Variants in NRXN3 observed in about 807,000 individuals in gnomAD.
NRXN3 encodes the protein neurexin 3.
NRXN3 carries 32 observed loss-of-function variants against 137.6 expected under a neutral mutation model. The observed-to-expected ratio is 0.23, with a 90% CI of 0.18 to 0.31. NRXN3 has a LOEUF of 0.31. Ranked by LOEUF, NRXN3 falls within the 10% of genes least tolerant of loss-of-function variation. The pLI is 1.00. For synonymous variants in NRXN3, 798 were observed against 784.5 expected (o/e 1.02, Z -0.29); for missense variants, 1,574 against 2,062.5 (o/e 0.76, Z 4.59).
At chr14:78,408,632 A>G (rs1249382005) in intron 4 of NRXN3, among the ~76,000 whole-genome samples, 1 of 152,202 alleles carries the variant, frequency 6.6e-6, no homozygotes, top group Non-Finnish European at 1.5e-5. Flanking sequence ...GTTGCAGCCT[A>G]GTGATGGAAT....
intron 15 of NRXN3, among the ~76,000 whole-genome samples, chr14:79,231,528 A>G (rs2072201023): frequency 1.3e-5 from 2 of 152,198 alleles, no homozygotes; most frequent in Non-Finnish European, 2.9e-5. Context: ...TTTGGTGCTC[A>G]TCTGTCAGAT....
At chr14:79,721,862 G>A (rs544878464) in intron 19 of NRXN3, among the ~76,000 whole-genome samples, 1 of 152,176 alleles carries the variant, frequency 6.6e-6, no homozygotes, top group Non-Finnish European at 1.5e-5. Flanking sequence ...GTCTCTAATA[G>A]TTTACCCAGT....
At position 79,809,346 on chromosome 14, in the gene NRXN3, C is replaced by T. The variant is rs571814205; in HGVS notation, c.4093+4156C>T. 2.0e-3 allele frequency among the ~76,000 whole-genome samples: 303 copies of T among 152,284 alleles called. 1 individual carries two copies. Among genetic ancestry groups the T allele is most frequent in the African/African-American group, 7.0e-3 (293 of 41,568 alleles). The stretch of plus-strand genomic sequence containing the variant: ...TAGAGACAGGGTTTCGCCATGTTGG[C>T]CAGGCTGGTCTCAAACTCCTGGGCT... On this transcript the variant is annotated intron_variant, in intron 20 of 20. Transcript: ENST00000335750.
At chr14:78,726,674 A>C (rs2098485297) in intron 8 of NRXN3, among the ~76,000 whole-genome samples, 1 of 151,702 alleles carries the variant, frequency 6.6e-6, no homozygotes, top group Admixed American at 6.6e-5. Context: ...ATGTACCATC[A>C]CACCCGGCTA....
chr14:79,590,278 G>A (rs1432225423), intron 16 of NRXN3, among the ~76,000 whole-genome samples: 2 of 151,986 alleles, frequency 1.3e-5, no homozygotes, highest in Non-Finnish European at 2.9e-5. Flanking sequence ...AAAAATGTGA[G>A]TTTCCCTGCA....
At chr14:78,865,312 C>T (rs2099083934) in intron 10 of NRXN3, among the ~76,000 whole-genome samples, 1 of 152,138 alleles carries the variant, frequency 6.6e-6, no homozygotes, top group African/African-American at 2.4e-5. Context: ...GGTTGAAATT[C>T]TGCAGGCAGA....
intron 10 of NRXN3, among the ~76,000 whole-genome samples, chr14:78,815,479 C>CTTTTTTTTTTTTTTTTTTTTTTTTTTTT (rs61411777): frequency 2.4e-5 from 2 of 84,436 alleles, no homozygotes; most frequent in Non-Finnish European, 4.3e-5. Context: ...TTGTTTCTTT[C>CTTTTTTTTTTTTTTTTTTTTTTTTTTTT]TTTTTTTTTT....
intron 2 of NRXN3, among the ~76,000 whole-genome samples, chr14:78,262,345 G>A (rs1360359041): frequency 6.6e-6 from 1 of 152,124 alleles, no homozygotes; most frequent in Admixed American, 6.6e-5. Context: ...AGCTCACCTT[G>A]GCTGGTAAGT....
intron 15 of NRXN3, among the ~76,000 whole-genome samples, chr14:79,082,393 G>GTGTGTGTT (rs1263183282): frequency 6.6e-6 from 1 of 151,134 alleles, no homozygotes; most frequent in Non-Finnish European, 1.5e-5. Context: ...CAAACTAATT[G>GTGTGTGTT]TGTGTGTGTG....
intron 16 of NRXN3, among the ~76,000 whole-genome samples, chr14:79,646,096 C>T (rs1327804425): frequency 7.4e-6 from 1 of 135,740 alleles, no homozygotes; most frequent in Non-Finnish European, 1.7e-5. Context: ...ACTGCTTGGC[C>T]AGAGACAGCT....
chr14:78,225,977 GTGT>G lies in NRXN3; in HGVS notation c.-703-16413_-703-16411del, dbSNP rs1567013166. 1.6e-3 allele frequency among the ~76,000 whole-genome samples: 112 copies of G among 70,742 alleles called. 2 individuals are homozygous for G. In the East Asian group the frequency reaches 0.04, roughly 25 times the overall value. The allele number at this position is 70,742 out of a possible 152,430, so 46.4% of individuals were successfully genotyped here. A position where few individuals can be genotyped will look rare whatever the true frequency, so the allele number is the denominator to read the frequency against. ...GGTGTGTGTGTGTGTGTGTGTTGGT[GTGT>G]GTGTGTGTGTGTGTGTGTGTGTGTG... On this transcript the variant is annotated intron_variant, in intron 1 of 20. Coordinates refer to ENST00000335750, the MANE Select transcript of NRXN3 (RefSeq NM_001330195.2).
intron 15 of NRXN3, among the ~76,000 whole-genome samples, chr14:79,359,880 G>A (rs1389905882): frequency 6.6e-6 from 1 of 152,168 alleles, no homozygotes; most frequent in Non-Finnish European, 1.5e-5. Flanking sequence ...CTTCCACAGA[G>A]CAGAACAATG....
intron 1 of NRXN3, among the ~76,000 whole-genome samples, chr14:78,173,222 C>T (rs1595553083): frequency 1.3e-5 from 2 of 151,872 alleles, no homozygotes; most frequent in South Asian, 2.1e-4. Context: ...TTCTATTCTG[C>T]ACCCCCCTTT....
chr14:79,493,692 C>T (rs193258875), intron 16 of NRXN3, among the ~76,000 whole-genome samples: 1 of 152,186 alleles, frequency 6.6e-6, no homozygotes, highest in Non-Finnish European at 1.5e-5. Flanking sequence ...ACTACACCAT[C>T]CATTAATAAT....
In NRXN3 at chr14:79,067,186, AT is replaced by A. The variant is rs548466689; in HGVS notation, c.3262+79051del. 4.1e-3 allele frequency among the ~76,000 whole-genome samples: 617 copies of A among 152,134 alleles called. 2 individuals are homozygous for A. Among genetic ancestry groups the A allele is most frequent in the Middle Eastern group, 0.017 (5 of 294 alleles). On this transcript the variant is annotated intron_variant, in intron 15 of 20. Transcript: ENST00000335750. Reference sequence around the variant, plus strand: ...AATTTTAAACATGAAGGGATGTTGAATTTTTTGAAGTACTTTTCTGCATCTA... The same window carrying A: ...AATTTTAAACATGAAGGGATGTTGAATTTTTGAAGTACTTTTCTGCATCTA...
At chr14:79,857,346 C>T (rs2099404880) in intron 20 of NRXN3, among the ~76,000 whole-genome samples, 2 of 152,108 alleles carry the variant, frequency 1.3e-5, no homozygotes, top group Admixed American at 1.3e-4. Context: ...CTCAGCCTCC[C>T]CAGTAGCTGG....
intron 15 of NRXN3, among the ~76,000 whole-genome samples, chr14:79,242,797 T>C (rs1414810771): frequency 6.6e-6 from 1 of 152,180 alleles, no homozygotes; most frequent in Non-Finnish European, 1.5e-5. Flanking sequence ...AGCATCTGCC[T>C]GGAAGATTCT....
chr14:78,365,401 C>T (rs2085771575), intron 4 of NRXN3, among the ~76,000 whole-genome samples: 1 of 152,182 alleles, frequency 6.6e-6, no homozygotes, highest in Non-Finnish European at 1.5e-5. Context: ...TCCATGCAGA[C>T]ATTCAGATCC....
At chr14:78,692,751 A>T (rs2152775266) in intron 6 of NRXN3, among the ~76,000 whole-genome samples, 1 of 152,332 alleles carries the variant, frequency 6.6e-6, no homozygotes, top group Admixed American at 6.5e-5. Context: ...GGCATCTTAT[A>T]GAATTGTTGC....
Sources: gnomAD v4.1 joint callset for allele counts (sites outside exome capture counted in the v4.1 genomes callset) on GRCh38, gnomAD v4.1.1 for gene constraint, MANE v1.5 for transcripts, NCBI Gene and HGNC (gene_info 2026-07-23, HGNC 2026-07-21) for gene names.